VSTM1: variants seen among roughly 807,000 people sequenced by gnomAD.
VSTM1 encodes V-set and transmembrane domain containing 1, also known as V-set and transmembrane domain-containing protein 1.
VSTM1 carries 27 observed loss-of-function variants against 33.1 expected under a neutral mutation model. The ratio of observed to expected loss-of-function variants is 0.82; its 90% CI spans 0.60 to 1.12. The LOEUF (loss-of-function observed/expected upper bound fraction) is 1.12. Among genes scored for constraint, VSTM1 ranks in the 50% most tolerant of loss-of-function variants. The probability of loss-of-function intolerance (pLI) is 0.00; values close to 1 mark genes in which losing one functional copy is unlikely to be tolerated. For missense variants in VSTM1, 304 were observed against 288.9 expected, an observed-to-expected ratio of 1.05 and a Z score of -0.38; for synonymous variants, 115 against 110.3, an observed-to-expected ratio of 1.04 and a Z score of -0.27.
Position 54,041,827 on chromosome 19 carries a change from A to C in VSTM1, c.554-11T>G. The C allele has an allele frequency of 6.2e-7, 1 of 1,613,564 alleles. No homozygotes were observed. The highest frequency in any genetic ancestry group is 1.1e-5 in the South Asian group (1 of 91,024). On this transcript the variant is annotated splice_polypyrimidine_tract_variant and intron_variant, in intron 7 of 8. Transcript: ENST00000338372. ...TGGATAAATCTGCCTCTGAGTGAGAAAGGAAAAAAAAAAATCAGTTCTCAG... is the reference window on the plus strand; with the variant it reads ...TGGATAAATCTGCCTCTGAGTGAGACAGGAAAAAAAAAAATCAGTTCTCAG...
chr19:54,062,539 A>T (rs2071443819), intron 1 of VSTM1, among the ~76,000 whole-genome samples: 1 of 151,954 alleles, frequency 6.6e-6, no homozygotes, highest in Non-Finnish European at 1.5e-5. Flanking sequence ...CCTGGCCAAC[A>T]TGGTGAAACC....
At position 54,054,634 on chromosome 19, in the gene VSTM1, A is replaced by G. The variant is rs78213325; in HGVS notation, c.356-3186T>C. Among the ~76,000 whole-genome samples, 9 of 135,376 alleles carry G rather than the reference A, an allele frequency of 6.6e-5. 2 individuals carry two copies. The highest frequency in any genetic ancestry group is 2.5e-4 in the South Asian group (1 of 4,022). 88.8% of individuals were successfully genotyped at this position (135,376 alleles called of 152,430 possible). A position where few individuals can be genotyped will look rare whatever the true frequency, so the allele number is the denominator to read the frequency against. Reference sequence around the variant, plus strand: ...TTAGTGACTAATAAATGAATGGATGAATGGATGGATGGATGGATGGATGGA... The same window carrying G: ...TTAGTGACTAATAAATGAATGGATGGATGGATGGATGGATGGATGGATGGA... On this transcript the variant is annotated intron_variant, in intron 3 of 8. Coordinates refer to ENST00000338372, the MANE Select transcript of VSTM1 (RefSeq NM_198481.4).
At position 54,052,674 on chromosome 19, in the gene VSTM1, C is replaced by T. The variant is rs568240030; in HGVS notation, c.356-1226G>A. Among the ~76,000 whole-genome samples the T allele has an allele frequency of 1.5e-4, 22 of 142,320 alleles. 2 individuals carry two copies. The highest frequency in any genetic ancestry group is 5.4e-4 in the African/African-American group (21 of 38,714). 93.4% of individuals were successfully genotyped at this position (142,320 alleles called of 152,430 possible). A position where few individuals can be genotyped will look rare whatever the true frequency, so the allele number is the denominator to read the frequency against. ...TGCTAATTAATTTGACTGTGATAAT[C>T]ATTACACAATGTACAGGTGGATCAA... On this transcript the variant is annotated intron_variant, in intron 3 of 8. Transcript: ENST00000338372.
chr19:54,061,137 C>T (rs182205059), intron 1 of VSTM1, among the ~76,000 whole-genome samples: 54 of 151,402 alleles, frequency 3.6e-4, no homozygotes, highest in African/African-American at 1.2e-3. Flanking sequence ...CCTGCCTCAG[C>T]CTCCCGAGTA....
At chr19:54,059,059 CTTTT>C (rs68002308) in intron 1 of VSTM1, among the ~76,000 whole-genome samples, 1 of 104,218 alleles carries the variant, frequency 9.6e-6, no homozygotes, top group Non-Finnish European at 1.9e-5. Flanking sequence ...CTTCTTCTTT[CTTTT>C]TTTTTTTTTT....
chr19:54,041,982 T>C lies in VSTM1; in HGVS notation c.516-29A>G, dbSNP rs201913753. ...AAAGAGAGAGACACACGTGAAAGGA[T>C]GGGATGTGAAGATTTCGGGGAGAGG... On this transcript the variant is annotated intron_variant, in intron 6 of 8. Transcript: ENST00000338372. 14 of 1,613,476 alleles carry C rather than the reference T, an allele frequency of 8.7e-6. No homozygotes were observed. The South Asian group carries it at 1.2e-4, about 14-fold the overall frequency.
intron 6 of VSTM1, 103 bp from the exon 7 acceptor site, chr19:54,042,056 G>A (rs1164398376): frequency 1.2e-6 from 2 of 1,602,874 alleles, no homozygotes; most frequent in Non-Finnish European, 1.7e-6. Context: ...AGAGGAGGAA[G>A]GTCACAGAAT....
Position 54,042,379 on chromosome 19 carries a change from G to T in VSTM1, c.395-10C>A, listed in dbSNP as rs184586877. ...AAGATGGTTCTGGTGTCTGGAGGGGGAAGAGCAGGTCAGGGAATCAGCCTG... is the reference window on the plus strand; with the variant it reads ...AAGATGGTTCTGGTGTCTGGAGGGGTAAGAGCAGGTCAGGGAATCAGCCTG... On this transcript the variant is annotated splice_polypyrimidine_tract_variant and intron_variant, in intron 4 of 8. Coordinates refer to ENST00000338372, the MANE Select transcript of VSTM1 (RefSeq NM_198481.4). 6.8e-6 allele frequency: 11 copies of T among 1,612,462 alleles called. No homozygotes were observed. Among genetic ancestry groups the T allele is most frequent in the Non-Finnish European group, 8.5e-6 (10 of 1,179,526 alleles).
intron 4 of VSTM1, among the ~76,000 whole-genome samples, chr19:54,042,765 T>C (rs1231776169): frequency 6.9e-6 from 1 of 144,990 alleles, no homozygotes. Context: ...TGTGTATATA[T>C]ATATATAAAT....
Position 54,062,698 on chromosome 19 carries a change from T to C in VSTM1, c.34+1046A>G, listed in dbSNP as rs147220057. 8.5e-3 allele frequency among the ~76,000 whole-genome samples: 1,181 copies of C among 138,214 alleles called. 19 individuals carry two copies. Among genetic ancestry groups the C allele is most frequent in the African/African-American group, 0.03 (1,102 of 36,804 alleles). 90.7% of individuals were successfully genotyped at this position (138,214 alleles called of 152,430 possible). Reference sequence around the variant, plus strand: ...GAGATCACACCACTGCACTCCAGCCTGGGAGACAAAGCAAGACTCTGTCAA... The same window carrying C: ...GAGATCACACCACTGCACTCCAGCCCGGGAGACAAAGCAAGACTCTGTCAA... On this transcript the variant is annotated intron_variant, in intron 1 of 8. Coordinates refer to ENST00000338372, the MANE Select transcript of VSTM1 (RefSeq NM_198481.4).
chr19:54,048,962 T>C (rs533042321), intron 4 of VSTM1, among the ~76,000 whole-genome samples: 1 of 152,214 alleles, frequency 6.6e-6, no homozygotes, highest in South Asian at 2.1e-4. Context: ...CGGGCGCCTG[T>C]AGGTCCAGCT....
Position 54,056,044 on chromosome 19 carries a change from C to T in VSTM1, c.355+2262G>A, listed in dbSNP as rs1361323663. ...TCCCTCAAATGCAAGCCAATAGATC[C>T]AGAGCCCATACTCTCAACCACCTTA... On this transcript the variant is annotated intron_variant, in intron 3 of 8. Transcript: ENST00000338372. Among the ~76,000 whole-genome samples the T allele has an allele frequency of 3.6e-5, 5 of 139,756 alleles. 1 individual carries two copies. The highest frequency in any genetic ancestry group is 7.8e-5 in the Non-Finnish European group (5 of 63,852). The allele number at this position is 139,756 out of a possible 152,430, so 91.7% of individuals were successfully genotyped here.
intron 4 of VSTM1, 50 bp from the exon 5 acceptor site, chr19:54,042,419 C>T (rs2070336713): frequency 7.6e-6 from 12 of 1,581,368 alleles, no homozygotes; most frequent in African/African-American, 1.4e-5. Flanking sequence ...CTGAAATCCA[C>T]TGATAGGGGC....
intron 8 of VSTM1, 143 bp from the exon 9 acceptor site, chr19:54,041,223 T>C: frequency 1.2e-6 from 1 of 828,970 alleles, no homozygotes; most frequent in Admixed American, 3.9e-5. Flanking sequence ...CATTTCTTTT[T>C]CTTTTCTGTT....
At chr19:54,041,667 C>G in intron 8 of VSTM1, 112 bp downstream of exon 8, 1 of 1,204,502 alleles carries the variant, frequency 8.3e-7, no homozygotes, top group East Asian at 2.5e-5. Context: ...TGTCTAAGAC[C>G]ACATGCGTGA....
chr19:54,042,794 ATATATAAATGTG>A (rs2070358526), intron 4 of VSTM1, among the ~76,000 whole-genome samples: 1 of 124,076 alleles, frequency 8.1e-6, no homozygotes, highest in Admixed American at 9.2e-5. Context: ...ATGTGTGTGT[ATATATAAATGTG>A]TATATATATA....
intron 4 of VSTM1, among the ~76,000 whole-genome samples, chr19:54,046,107 A>G (rs1228804702): frequency 1.3e-5 from 2 of 152,068 alleles, no homozygotes; most frequent in Non-Finnish European, 2.9e-5. Context: ...TAATCTGTCC[A>G]TCGTATCTAG....
chr19:54,044,495 G>T (rs908662774), intron 4 of VSTM1, among the ~76,000 whole-genome samples: 1 of 152,256 alleles, frequency 6.6e-6, no homozygotes, highest in Middle Eastern at 3.4e-3. Flanking sequence ...GGGAGGCGGA[G>T]GTTGCAGTGA....
rs529639319 is a variant in VSTM1, at chr19:54,055,447, C to G, written c.355+2859G>C. On this transcript the variant is annotated intron_variant, in intron 3 of 8. Coordinates refer to ENST00000338372, the MANE Select transcript of VSTM1 (RefSeq NM_198481.4). ...GGAGGCAAGTTACCTGTCGTGGAGA[C>G]AGGAACATAGAAAATGCTGGATACA... 18 of 142,516 alleles carry G rather than the reference C, an allele frequency of 1.3e-4. 3 individuals carry two copies. Among genetic ancestry groups the G allele is most frequent in the Admixed American group, 1.0e-3 (14 of 13,872 alleles). The allele number at this position is 142,516 out of a possible 1,614,324, so 8.8% of individuals were successfully genotyped here.
Sources: gnomAD v4.1 joint callset for allele counts (sites outside exome capture counted in the v4.1 genomes callset) on GRCh38, gnomAD v4.1.1 for gene constraint, MANE v1.5 for transcripts, NCBI Gene and HGNC (gene_info 2026-07-23, HGNC 2026-07-21) for gene names.